The following PDXDC1 variants were observed in gnomAD, a reference collection of about 807,000 sequenced individuals.
The protein encoded by PDXDC1 is pyridoxal dependent decarboxylase domain containing 1.
PDXDC1 carries 42 observed loss-of-function variants against 100.1 expected under a neutral mutation model. The ratio of observed to expected loss-of-function variants is 0.42; its 90% CI spans 0.33 to 0.54. The LOEUF is 0.54. Among genes scored for constraint, PDXDC1 ranks in the 20% least tolerant of loss-of-function variants. The pLI, the probability that PDXDC1 is intolerant of heterozygous loss-of-function variation, is 0.10. For missense variants in PDXDC1, 636 were observed against 979.2 expected (o/e 0.65, Z 4.68); for synonymous variants, 260 against 371.7 (o/e 0.70, Z 3.46).
chr16:15,140,169 G>A (rs2048445225), downstream of PDXDC1, among the ~76,000 whole-genome samples: 1 of 150,770 alleles, frequency 6.6e-6, no homozygotes. Flanking sequence ...AAAGAGCCGG[G>A]TGCAATGGCT....
At chr16:15,076,755 A>T (rs4985146) in intron 16 of PDXDC1, 123 of 760,584 alleles carry the variant, frequency 1.6e-4, no homozygotes, top group Non-Finnish European at 2.3e-4. Context: ...AGGTGTCCAG[A>T]TTAGTGCCTT....
chr16:15,042,718 C>CTATTTATTTATTTATTTATTTATT (rs58123477), downstream of PDXDC1, among the ~76,000 whole-genome samples: 80 of 147,104 alleles, frequency 5.4e-4, no homozygotes, highest in Admixed American at 1.3e-3. Flanking sequence ...AAAGGATGAA[C>CTATTTATTTATTTATTTATTTATT]TATTTATTTA....
chr16:15,071,993 C>T (rs895923608), intron 16 of PDXDC1, among the ~76,000 whole-genome samples: 3 of 152,118 alleles, frequency 2.0e-5, no homozygotes, highest in Non-Finnish European at 4.4e-5. Flanking sequence ...AACTCAACCA[C>T]GAACAGAAAT....
At chr16:15,043,175 C>T (rs924040858), downstream of PDXDC1, among the ~76,000 whole-genome samples, 3 of 152,138 alleles carry the variant, frequency 2.0e-5, no homozygotes, top group African/African-American at 7.2e-5. Flanking sequence ...GCTGGGATTA[C>T]AGGCATGAGC....
chr16:15,046,021 A>T (rs2044045444), intron 16 of PDXDC1: 1 of 152,302 alleles, frequency 6.6e-6, no homozygotes, highest in African/African-American at 2.4e-5. Flanking sequence ...TCACAGTTCT[A>T]CAACAGATCA....
At chr16:15,012,129 A>G (rs374881720) in intron 8 of PDXDC1, among the ~76,000 whole-genome samples, 2 of 151,612 alleles carry the variant, frequency 1.3e-5, no homozygotes, top group East Asian at 3.9e-4. Context: ...TTGGAGATGG[A>G]GTCTCATTCT....
the PDXDC1 span, among the ~76,000 whole-genome samples, chr16:15,148,954 T>C: frequency 6.6e-6 from 1 of 152,188 alleles, no homozygotes; most frequent in African/African-American, 2.4e-5. Context: ...TTTGCATCCG[T>C]GTCTAATAAA....
intron 16 of PDXDC1, chr16:15,132,820 T>G: frequency 6.9e-7 from 1 of 1,459,532 alleles, no homozygotes; most frequent in Non-Finnish European, 9.5e-7. Context: ...GTATCTGGGC[T>G]CGGCGCTGCC....
At chr16:15,132,839 T>C in intron 16 of PDXDC1, 3 of 1,576,804 alleles carry the variant, frequency 1.9e-6, no homozygotes, top group South Asian at 2.2e-5. Flanking sequence ...CCGCTCGTGC[T>C]TGGGCTCTGC....
At chr16:15,132,337 G>GA (rs1456961337) in intron 16 of PDXDC1, among the ~76,000 whole-genome samples, 2 of 29,556 alleles carry the variant, frequency 6.8e-5, no homozygotes, top group Admixed American at 6.2e-4. Context: ...GAGGGGAGGG[G>GA]GCAGGGGCTA....
chr16:15,046,371 CAA>C (rs1189711653), intron 16 of PDXDC1, among the ~76,000 whole-genome samples: 1 of 152,178 alleles, frequency 6.6e-6, no homozygotes, highest in African/African-American at 2.4e-5. Context: ...CAGGTCTCCA[CAA>C]AGAGCAAGGA....
rs368606518 is a variant in PDXDC1, at chr16:15,103,068, T to A, written c.1400-35811T>A. ...GGCTGCCGTGAGCTATGATTGTGCC[T>A]CTGCAGTCCAGCCTGGGCGACAGAG... On this transcript the variant is annotated intron_variant, in intron 16 of 16. Transcript: ENST00000535621. The A allele has an allele frequency of 8.2e-3, 3,232 of 394,498 alleles. 16 individuals carry two copies. The highest frequency in any genetic ancestry group is 0.031 in the African/African-American group (1,283 of 41,350). The allele number at this position is 394,498 out of a possible 1,614,324, so 24.4% of individuals were successfully genotyped here.
At chr16:15,094,169 T>G in intron 16 of PDXDC1, 1 of 1,602,404 alleles carries the variant, frequency 6.2e-7, no homozygotes, top group Non-Finnish European at 8.5e-7. Flanking sequence ...GCCCAGCTTC[T>G]TAACTGCAGA....
intron 16 of PDXDC1, chr16:15,127,591 C>T: frequency 8.1e-6 from 11 of 1,357,988 alleles, no homozygotes; most frequent in Non-Finnish European, 1.1e-5. Flanking sequence ...GGACACATGC[C>T]CCGTGCTGTG....
At chr16:15,125,150 T>C (rs1403550887) in intron 16 of PDXDC1, 3 of 362,734 alleles carry the variant, frequency 8.3e-6, no homozygotes, top group Non-Finnish European at 1.4e-5. Context: ...AGACTCTGTC[T>C]CAAAAAAAAA....
intron 16 of PDXDC1, among the ~76,000 whole-genome samples, chr16:15,077,607 C>G (rs545704744): frequency 6.6e-6 from 1 of 152,106 alleles, no homozygotes; most frequent in Non-Finnish European, 1.5e-5. Flanking sequence ...TTTGGGAGGC[C>G]GAGGTGGACG....
intron 16 of PDXDC1, chr16:15,060,362 A>C (rs1052140966): frequency 1.0e-5 from 2 of 195,840 alleles, no homozygotes; most frequent in East Asian, 2.9e-4. Context: ...AGCAATAAAA[A>C]TTTCTATTTT....
intron 1 of PDXDC1, among the ~76,000 whole-genome samples, chr16:14,984,201 C>CAGAGCAT (rs1433136409): frequency 2.4e-5 from 3 of 127,034 alleles, no homozygotes; most frequent in African/African-American, 8.9e-5. Context: ...AAAAAAGGTA[C>CAGAGCAT]AGAGCATTTC....
At chr16:15,065,250 A>G in intron 16 of PDXDC1, 1 of 1,613,840 alleles carries the variant, frequency 6.2e-7, no homozygotes, top group Non-Finnish European at 8.5e-7. Flanking sequence ...AAGGGGAAGA[A>G]GGTGTCCAGC....
Sources: allele counts gnomAD v4.1 joint callset (sites outside exome capture counted in the v4.1 genomes callset), GRCh38; gene constraint gnomAD v4.1.1; transcripts MANE v1.5; gene names NCBI Gene and HGNC (gene_info 2026-07-23, HGNC 2026-07-21).